Variants in PDE10A observed in about 807,000 individuals in gnomAD.
The protein encoded by PDE10A is cAMP and cAMP-inhibited cGMP 3',5'-cyclic phosphodiesterase 10A.
A neutral mutation model predicts 97.7 loss-of-function variants in PDE10A; 39 were observed. The ratio of observed to expected loss-of-function variants is 0.40; its 90% CI spans 0.31 to 0.52. The LOEUF (loss-of-function observed/expected upper bound fraction) is 0.52, where lower values mean the gene tolerates loss of function less well. Ranked by LOEUF, PDE10A falls within the 20% of genes least tolerant of loss-of-function variation. The pLI is 0.56. For synonymous variants in PDE10A, 371 were observed against 376.8 expected, an observed-to-expected ratio of 0.98 and a Z score of 0.18; for missense variants, 731 against 1,047.8, an observed-to-expected ratio of 0.70 and a Z score of 4.17.
At chr6:165,883,815 C>T (rs1242282487) in intron 1 of PDE10A, among the ~76,000 whole-genome samples, 1 of 152,052 alleles carries the variant, frequency 6.6e-6, no homozygotes, top group Non-Finnish European at 1.5e-5. Flanking sequence ...CCTAAGCCGC[C>T]CATACAGAAC....
chr6:165,342,937 G>C (rs1782062587), intron 19 of PDE10A, among the ~76,000 whole-genome samples: 1 of 152,166 alleles, frequency 6.6e-6, no homozygotes, highest in Non-Finnish European at 1.5e-5. Context: ...ATAATTTGCA[G>C]GTGAGCTATT....
intron 18 of PDE10A, among the ~76,000 whole-genome samples, chr6:165,365,362 C>T (rs1783704579): frequency 6.6e-6 from 1 of 152,082 alleles, no homozygotes; most frequent in Non-Finnish European, 1.5e-5. Context: ...AATCCCCAAA[C>T]CATAAAAGAC....
chr6:165,971,364 C>T (rs1305304941), intron 1 of PDE10A, among the ~76,000 whole-genome samples: 1 of 152,190 alleles, frequency 6.6e-6, no homozygotes, highest in Admixed American at 6.5e-5. Context: ...GATTCACTCC[C>T]TTCCAGAAAC....
At chr6:165,952,267 C>T (rs1783988059) in intron 1 of PDE10A, among the ~76,000 whole-genome samples, 1 of 152,218 alleles carries the variant, frequency 6.6e-6, no homozygotes, top group East Asian at 1.9e-4. Context: ...CTGTGCCTTT[C>T]TTCACTCCCC....
chr6:165,905,474 A>G (rs1374831944), intron 1 of PDE10A, among the ~76,000 whole-genome samples: 1 of 152,170 alleles, frequency 6.6e-6, no homozygotes, highest in Non-Finnish European at 1.5e-5. Context: ...TATTAATTTC[A>G]CTAACAAACA....
intron 1 of PDE10A, among the ~76,000 whole-genome samples, chr6:165,561,986 A>C (rs1399774042): frequency 6.6e-6 from 1 of 152,148 alleles, no homozygotes; most frequent in Non-Finnish European, 1.5e-5. Flanking sequence ...GAAAATAAAT[A>C]CTGGCCAGGT....
chr6:165,949,990 A>G (rs1047951829), intron 1 of PDE10A: 1 of 152,226 alleles, frequency 6.6e-6, no homozygotes, highest in African/African-American at 2.4e-5. Flanking sequence ...AGGAGGAACA[A>G]GAATGTTGAT....
chr6:165,784,231 A>AT (rs200725680), intron 1 of PDE10A, among the ~76,000 whole-genome samples: 18,813 of 150,244 alleles, frequency 0.13, 2,125 homozygotes, highest in African/African-American at 0.31. Flanking sequence ...TCAAAAAAAA[A>AT]AAAAGAAAAA....
chr6:165,706,219 A>G (rs993062374), intron 1 of PDE10A, among the ~76,000 whole-genome samples: 1 of 152,248 alleles, frequency 6.6e-6, no homozygotes, highest in African/African-American at 2.4e-5. Flanking sequence ...ATGGGGCGAC[A>G]TGAATATTTC....
intron 1 of PDE10A, among the ~76,000 whole-genome samples, chr6:165,776,515 GAT>G (rs1778188698): frequency 6.6e-6 from 1 of 152,172 alleles, no homozygotes; most frequent in Non-Finnish European, 1.5e-5. Context: ...AGCTGTTTTT[GAT>G]ATGCATATGC....
chr6:165,673,678 T>A (rs897565856), intron 1 of PDE10A, among the ~76,000 whole-genome samples: 2 of 152,270 alleles, frequency 1.3e-5, no homozygotes, highest in Non-Finnish European at 2.9e-5. Context: ...ATTTTTATCA[T>A]GTGTATTCAG....
At chr6:165,754,506 A>G (rs1793073694) in intron 1 of PDE10A, 2 of 152,248 alleles carry the variant, frequency 1.3e-5, no homozygotes, top group South Asian at 2.1e-4. Flanking sequence ...GTTTTTGAAA[A>G]AAATAGATTT....
At chr6:165,417,222 G>T (rs1454008679) in intron 11 of PDE10A, among the ~76,000 whole-genome samples, 1 of 152,186 alleles carries the variant, frequency 6.6e-6, no homozygotes, top group Non-Finnish European at 1.5e-5. Flanking sequence ...AAAACTCATG[G>T]TTGTCTTTTT....
At chr6:165,729,304 A>AT (rs1193801957) in intron 1 of PDE10A, among the ~76,000 whole-genome samples, 2 of 152,186 alleles carry the variant, frequency 1.3e-5, no homozygotes, top group Admixed American at 6.5e-5. Flanking sequence ...TAGAGATTTA[A>AT]TTTTTTCTGC....
At chr6:165,475,000 G>A (rs1043169358) in intron 3 of PDE10A, among the ~76,000 whole-genome samples, 3 of 152,004 alleles carry the variant, frequency 2.0e-5, no homozygotes, top group Admixed American at 1.3e-4. Context: ...ACATGCACCC[G>A]CATCCCTGGA....
intron 18 of PDE10A, among the ~76,000 whole-genome samples, chr6:165,356,201 G>A (rs927648887): frequency 3.3e-5 from 5 of 152,070 alleles, no homozygotes; most frequent in African/African-American, 1.2e-4. Flanking sequence ...ATTACAATCC[G>A]AGATGAGATT....
intron 2 of PDE10A, among the ~76,000 whole-genome samples, chr6:165,500,398 G>A (rs772818902): frequency 3.9e-4 from 59 of 152,192 alleles, no homozygotes; most frequent in Non-Finnish European, 7.8e-4. Flanking sequence ...CTGTTAATCT[G>A]TAATCCTAGC....
chr6:165,524,446 C>G (rs1461844703), intron 2 of PDE10A, among the ~76,000 whole-genome samples: 2 of 152,130 alleles, frequency 1.3e-5, no homozygotes, highest in Admixed American at 1.3e-4. Flanking sequence ...AAAATAAATA[C>G]ATTTGACACT....
intron 1 of PDE10A, among the ~76,000 whole-genome samples, chr6:165,978,151 T>C (rs1306694960): frequency 1.3e-5 from 2 of 152,216 alleles, no homozygotes; most frequent in African/African-American, 4.8e-5. Context: ...TCTTGGTGTT[T>C]ATTTATGTTA....
Sources: allele counts gnomAD v4.1 joint callset (sites outside exome capture counted in the v4.1 genomes callset), GRCh38; gene constraint gnomAD v4.1.1; transcripts MANE v1.5; gene names NCBI Gene and HGNC (gene_info 2026-07-23, HGNC 2026-07-21).